The following XRN1 variants were observed in gnomAD, a reference collection of about 807,000 sequenced individuals.
The protein encoded by XRN1 is strand-exchange protein 1 homolog.
In XRN1, 67 loss-of-function variants were observed where a neutral mutation model predicts 222.3. The ratio of observed to expected loss-of-function variants is 0.30; its 90% CI spans 0.25 to 0.37. The LOEUF is 0.37. Ranked by LOEUF, XRN1 falls within the 10% of genes least tolerant of loss-of-function variation. XRN1 has a pLI of 1.00. For synonymous variants in XRN1, 643 were observed against 652.4 expected, an observed-to-expected ratio of 0.99 and a Z score of 0.22; for missense variants, 1,707 against 2,000.2, an observed-to-expected ratio of 0.85 and a Z score of 2.80.
intron 20 of XRN1, among the ~76,000 whole-genome samples, chr3:142,394,200 C>G (rs2067842642): frequency 6.6e-6 from 1 of 152,186 alleles, no homozygotes; most frequent in South Asian, 2.1e-4. Context: ...TCACCATCCA[C>G]CACTTCAGTA....
intron 1 of XRN1, among the ~76,000 whole-genome samples, chr3:142,446,341 C>T (rs1301213906): frequency 6.6e-6 from 1 of 152,110 alleles, no homozygotes; most frequent in East Asian, 1.9e-4. Flanking sequence ...AAAGGTATCA[C>T]AACAATGAAC....
At chr3:142,446,396 C>T (rs1332347728) in intron 1 of XRN1, among the ~76,000 whole-genome samples, 1 of 152,096 alleles carries the variant, frequency 6.6e-6, no homozygotes, top group Non-Finnish European at 1.5e-5. Flanking sequence ...AATAATTCTC[C>T]TCCCAGTTTC....
chr3:142,408,726 G>A (rs932532480), intron 15 of XRN1, among the ~76,000 whole-genome samples: 3 of 152,146 alleles, frequency 2.0e-5, no homozygotes, highest in Admixed American at 1.3e-4. Context: ...TGGAATTGCT[G>A]GGTCCTAGGG....
rs540224689 is a variant in XRN1 at position 142,329,872 on chromosome 3, A to C, written c.4223-257T>G. 3.3e-5 allele frequency among the ~76,000 whole-genome samples: 5 copies of C among 152,222 alleles called. No individual in the cohort carries two copies. The East Asian group carries it at 7.8e-4, about 24-fold the overall frequency. On this transcript the variant is annotated intron_variant, in intron 36 of 40. Transcript: ENST00000392981. ...GTGGTCCTCTGGCCACGCACCTTAT[A>C]AATTTGGTCGAAAACCTTGAAAAAT...
intron 33 of XRN1, among the ~76,000 whole-genome samples, chr3:142,343,752 A>C (rs1424070446): frequency 6.6e-6 from 1 of 152,208 alleles, no homozygotes; most frequent in Non-Finnish European, 1.5e-5. Flanking sequence ...CAAAGAAAGG[A>C]AATCAATATA....
chr3:142,414,474 G>T, intron 13 of XRN1, 183 bp from the exon 14 acceptor site: 1 of 418,074 alleles, frequency 2.4e-6, no homozygotes. Context: ...TCATCCGATG[G>T]CAACAAATGT....
intron 34 of XRN1, among the ~76,000 whole-genome samples, chr3:142,334,894 G>A (rs1177992928): frequency 6.6e-6 from 1 of 150,810 alleles, no homozygotes; most frequent in Non-Finnish European, 1.5e-5. Flanking sequence ...GGAGTGCAGT[G>A]GTGCGATTTC....
chr3:142,328,069 CT>C (rs1194195729), intron 37 of XRN1, among the ~76,000 whole-genome samples: 1 of 152,188 alleles, frequency 6.6e-6, no homozygotes, highest in African/African-American at 2.4e-5. Context: ...ATCCAATCAT[CT>C]GTTGATGGAC....
chr3:142,440,048 G>A (rs1021699866), intron 1 of XRN1, among the ~76,000 whole-genome samples: 11 of 152,266 alleles, frequency 7.2e-5, no homozygotes, highest in African/African-American at 2.4e-4. Context: ...AGGACTGAGG[G>A]TGCCCGGGGA....
chr3:142,437,593 CA>C (rs1381581734), intron 1 of XRN1, among the ~76,000 whole-genome samples: 1 of 152,124 alleles, frequency 6.6e-6, no homozygotes, highest in Non-Finnish European at 1.5e-5. Context: ...CAAGCTACTA[CA>C]AGAAAACATT....
intron 22 of XRN1, among the ~76,000 whole-genome samples, chr3:142,381,347 C>T (rs1161972865): frequency 6.6e-6 from 1 of 152,048 alleles, no homozygotes; most frequent in East Asian, 1.9e-4. Context: ...TATAAATTTA[C>T]ATTGACATAA....
intron 26 of XRN1, 105 bp downstream of exon 26, chr3:142,371,129 CAAAAA>C (rs372983936): frequency 5.7e-4 from 366 of 645,134 alleles, no homozygotes; most frequent in Admixed American, 1.2e-3. Context: ...GAACCTGTCT[CAAAAA>C]AAAAAAAAAA....
rs180718212 is a variant in XRN1, at chr3:142,351,077, T to G, written c.3769-3735A>C. Among the ~76,000 whole-genome samples the G allele has an allele frequency of 1.7e-4, 26 of 152,296 alleles. No homozygotes were observed. The East Asian group carries it at 4.8e-3, about 28-fold the overall frequency. Reference sequence around the variant, plus strand: ...TGTGTGTGTATCTATATCTATCTTATCTAAATCTATTTTTTTCTCTATCAT... The same window carrying G: ...TGTGTGTGTATCTATATCTATCTTAGCTAAATCTATTTTTTTCTCTATCAT... On this transcript the variant is annotated intron_variant, in intron 32 of 40. Transcript: ENST00000392981.
intron 13 of XRN1, 105 bp from the exon 14 acceptor site, chr3:142,414,396 A>T: frequency 2.2e-6 from 2 of 896,540 alleles, no homozygotes; most frequent in Non-Finnish European, 3.0e-6. Flanking sequence ...AAATAATTTT[A>T]AAAAATTAGT....
In XRN1 at chr3:142,380,392, T is replaced by C. The variant is rs78150478; in HGVS notation, c.2617-212A>G. Among the ~76,000 whole-genome samples, 655 of 152,312 alleles carry C rather than the reference T, an allele frequency of 4.3e-3. 3 individuals carry two copies. Among genetic ancestry groups the C allele is most frequent in the Middle Eastern group, 0.01 (3 of 294 alleles). On this transcript the variant is annotated intron_variant, in intron 22 of 40. Transcript: ENST00000392981. ...TCTTTTGAGACAGGATCTATAATAC[T>C]ATAAATTTGAGTCACTGTATCATTG...
At chr3:142,346,700 T>C (rs184935084) in intron 33 of XRN1, among the ~76,000 whole-genome samples, 1 of 152,112 alleles carries the variant, frequency 6.6e-6, no homozygotes, top group Non-Finnish European at 1.5e-5. Context: ...AGGCTGGTCT[T>C]GAACTCCTGG....
At chr3:142,390,190 G>C (rs1223438021) in intron 20 of XRN1, among the ~76,000 whole-genome samples, 1 of 152,192 alleles carries the variant, frequency 6.6e-6, no homozygotes, top group African/African-American at 2.4e-5. Context: ...TGAGCACCGG[G>C]TTCAACTTAA....
intron 2 of XRN1, among the ~76,000 whole-genome samples, chr3:142,428,759 A>G (rs903010121): frequency 1.3e-5 from 2 of 152,216 alleles, no homozygotes; most frequent in Non-Finnish European, 2.9e-5. Flanking sequence ...TAAGGGGAAG[A>G]TGAGTTCAGT....
intron 14 of XRN1, 121 bp downstream of exon 14, chr3:142,414,014 G>T: frequency 1.9e-6 from 2 of 1,054,102 alleles, no homozygotes; most frequent in African/African-American, 1.6e-5. Flanking sequence ...AAATACTATG[G>T]TTTAAAACTG....
Sources: allele counts gnomAD v4.1 joint callset (sites outside exome capture counted in the v4.1 genomes callset), GRCh38; gene constraint gnomAD v4.1.1; transcripts MANE v1.5; gene names NCBI Gene and HGNC (gene_info 2026-07-23, HGNC 2026-07-21).